Variants in CADPS observed in about 807,000 individuals in gnomAD.
CADPS encodes calcium-dependent secretion activator 1.
A neutral mutation model predicts 167.3 loss-of-function variants in CADPS; 57 were observed. That is an observed-to-expected ratio of 0.34 (90% CI 0.28 to 0.42). The LOEUF (loss-of-function observed/expected upper bound fraction) is 0.42, where lower values mean the gene tolerates loss of function less well. Ranked by LOEUF, CADPS falls within the 20% of genes least tolerant of loss-of-function variation. CADPS has a pLI of 1.00. For synonymous variants in CADPS, 676 were observed against 635.3 expected (o/e 1.06, Z -0.96); for missense variants, 1,414 against 1,738.1 (o/e 0.81, Z 3.32).
At chr3:62,759,294 C>G (rs556143051) in intron 2 of CADPS, among the ~76,000 whole-genome samples, 54 of 152,232 alleles carry the variant, frequency 3.5e-4, no homozygotes, top group African/African-American at 1.3e-3. Flanking sequence ...GATATTATGC[C>G]TGCAAGTTGG....
chr3:62,609,611 G>A (rs979753988), intron 6 of CADPS, among the ~76,000 whole-genome samples: 1 of 152,138 alleles, frequency 6.6e-6, no homozygotes, highest in South Asian at 2.1e-4. Context: ...CTGAGCATCA[G>A]TTTCCTCATC....
At chr3:62,610,610 G>A (rs1345299753) in intron 6 of CADPS, among the ~76,000 whole-genome samples, 1 of 152,094 alleles carries the variant, frequency 6.6e-6, no homozygotes, top group African/African-American at 2.4e-5. Flanking sequence ...TGGTACAGCT[G>A]GGTTGTTCAG....
At position 62,514,622 on chromosome 3, in the gene CADPS, A is replaced by G. The variant is rs984527509; in HGVS notation, c.2581+1437T>C. ...AATGCATTTTTACTTACAGATCTTAAAGTTTGTTTTTGGATAGATTTATCT... is the reference window on the plus strand; with the variant it reads ...AATGCATTTTTACTTACAGATCTTAGAGTTTGTTTTTGGATAGATTTATCT... On this transcript the variant is annotated intron_variant, in intron 16 of 29. Transcript: ENST00000383710. This position sits in a 1 kb window ranked among gnomAD's most constrained non-coding sequence, Gnocchi z 4.2. Among the ~76,000 whole-genome samples the G allele has an allele frequency of 1.3e-5, 2 of 152,136 alleles. No individual in the cohort carries two copies. Among genetic ancestry groups the G allele is most frequent in the South Asian group, 2.1e-4 (1 of 4,836 alleles).
intron 2 of CADPS, among the ~76,000 whole-genome samples, chr3:62,762,845 C>CTT (rs2085846908): frequency 6.6e-6 from 1 of 152,038 alleles, no homozygotes; most frequent in South Asian, 2.1e-4. Flanking sequence ...CTAAAACTGA[C>CTT]TTTTTAAAGT....
rs370221515 is a variant in CADPS at position 62,789,098 on chromosome 3, C to T, written c.442-23114G>A. Among the ~76,000 whole-genome samples, 44 of 152,282 alleles carry T rather than the reference C, an allele frequency of 2.9e-4. 1 individual carries two copies. Among genetic ancestry groups the T allele is most frequent in the African/African-American group, 1.0e-3 (43 of 41,574 alleles). On this transcript the variant is annotated intron_variant, in intron 1 of 29. Coordinates refer to ENST00000383710, the MANE Select transcript of CADPS (RefSeq NM_003716.4). ...GGCCAGATTGTGGTGGTTCAAAGCA[C>T]TGAGCAGAACTGTGGCAACATAAAA...
chr3:62,848,024 G>A (rs1340578870), intron 1 of CADPS, among the ~76,000 whole-genome samples: 1 of 116,388 alleles, frequency 8.6e-6, no homozygotes, highest in African/African-American at 4.0e-5. Flanking sequence ...TTTCTCTGAT[G>A]GCCAGTGATG....
At chr3:62,717,945 T>G (rs2084998561) in intron 3 of CADPS, among the ~76,000 whole-genome samples, 2 of 152,182 alleles carry the variant, frequency 1.3e-5, no homozygotes, top group Non-Finnish European at 2.9e-5. Flanking sequence ...TGCTGTTCCC[T>G]CTACCTGGAA....
At chr3:62,857,200 A>C (rs901100674) in intron 1 of CADPS, among the ~76,000 whole-genome samples, 1 of 152,118 alleles carries the variant, frequency 6.6e-6, no homozygotes, top group Non-Finnish European at 1.5e-5. Context: ...AAGAGACAAT[A>C]AATATGTAAA....
chr3:62,823,205 A>C (rs964257853), intron 1 of CADPS, among the ~76,000 whole-genome samples: 6 of 152,198 alleles, frequency 3.9e-5, no homozygotes, highest in Non-Finnish European at 8.8e-5. Context: ...TAAGACTTAA[A>C]CCAACAGGAA....
At chr3:62,684,647 A>G (rs2077678949) in intron 3 of CADPS, among the ~76,000 whole-genome samples, 1 of 152,026 alleles carries the variant, frequency 6.6e-6, no homozygotes, top group Non-Finnish European at 1.5e-5. Context: ...CTTTGTAAAA[A>G]TATCCTAAAT....
intron 23 of CADPS, among the ~76,000 whole-genome samples, chr3:62,477,414 T>C (rs1296241970): frequency 6.6e-6 from 1 of 151,940 alleles, no homozygotes; most frequent in Non-Finnish European, 1.5e-5. Flanking sequence ...ATGATGATGA[T>C]GTCCCCTCAG....
intron 13 of CADPS, among the ~76,000 whole-genome samples, chr3:62,524,258 G>T (rs115492581): frequency 6.6e-6 from 1 of 152,100 alleles, no homozygotes; most frequent in East Asian, 1.9e-4. Flanking sequence ...ATCCCTGCTT[G>T]CTCATCTATA....
intron 28 of CADPS, among the ~76,000 whole-genome samples, chr3:62,430,565 T>C (rs2053716728): frequency 6.6e-6 from 1 of 152,020 alleles, no homozygotes; most frequent in Non-Finnish European, 1.5e-5. Context: ...ATCCTGAGGT[T>C]CACTTCCAAG....
intron 3 of CADPS, among the ~76,000 whole-genome samples, chr3:62,691,228 A>G (rs1277401729): frequency 6.6e-6 from 1 of 152,076 alleles, no homozygotes; most frequent in Non-Finnish European, 1.5e-5. Context: ...ACTGCTCTAT[A>G]TCATGTCATG....
At chr3:62,764,781 C>G (rs577629380) in intron 2 of CADPS, among the ~76,000 whole-genome samples, 148 of 152,264 alleles carry the variant, frequency 9.7e-4, no homozygotes, top group Non-Finnish European at 1.7e-3. Context: ...GGCACACCAA[C>G]ATTTTTGTTT....
At chr3:62,769,643 TC>T (rs1394240478) in intron 1 of CADPS, among the ~76,000 whole-genome samples, 3 of 152,138 alleles carry the variant, frequency 2.0e-5, no homozygotes, top group African/African-American at 7.2e-5. Context: ...CCTTCCAGAC[TC>T]CCCAGGTGGA....
intron 28 of CADPS, among the ~76,000 whole-genome samples, chr3:62,431,992 A>G (rs2054068197): frequency 6.6e-6 from 1 of 151,962 alleles, no homozygotes; most frequent in Admixed American, 6.6e-5. Flanking sequence ...TCTACAATAT[A>G]CATATACTGC....
At chr3:62,603,499 T>C (rs2060259886) in intron 6 of CADPS, among the ~76,000 whole-genome samples, 2 of 152,298 alleles carry the variant, frequency 1.3e-5, no homozygotes, top group Admixed American at 6.5e-5. Flanking sequence ...TACCACACTT[T>C]ATGCACATAT....
At position 62,522,785 on chromosome 3, in the gene CADPS, G is replaced by A. The variant is rs1238038864; in HGVS notation, c.2292-4535C>T. Among the ~76,000 whole-genome samples the A allele has an allele frequency of 2.6e-5, 4 of 152,084 alleles. No individual in the cohort carries two copies. The East Asian group carries it at 7.7e-4, about 29-fold the overall frequency. Reference sequence around the variant, plus strand: ...CCCTGGTCTCTGGTTCCACCTAACTGCACACTGGCTAACAACTCGCTTCTT... The same window carrying A: ...CCCTGGTCTCTGGTTCCACCTAACTACACACTGGCTAACAACTCGCTTCTT... On this transcript the variant is annotated intron_variant, in intron 13 of 29. Coordinates refer to ENST00000383710, the MANE Select transcript of CADPS (RefSeq NM_003716.4).
Sources: allele counts gnomAD v4.1 joint callset (sites outside exome capture counted in the v4.1 genomes callset), GRCh38; gene constraint gnomAD v4.1.1; non-coding constraint Gnocchi (gnomAD v3.1); transcripts MANE v1.5; gene names NCBI Gene and HGNC (gene_info 2026-07-23, HGNC 2026-07-21).